Variants in ZC3H13 observed in about 807,000 individuals in gnomAD.
ZC3H13 encodes the protein zinc finger CCCH domain-containing protein 13.
A neutral mutation model predicts 204.1 loss-of-function variants in ZC3H13; 64 were observed. The observed-to-expected ratio is 0.31, with a 90% confidence interval of 0.26 to 0.39. The LOEUF is 0.39. ZC3H13 is among the 10% of genes least tolerant of loss of function. The probability of loss-of-function intolerance (pLI) is 1.00; values close to 1 mark genes in which losing one functional copy is unlikely to be tolerated. For missense variants in ZC3H13, 1,833 were observed against 2,082.7 expected (o/e 0.88, Z 2.33); for synonymous variants, 667 against 693.7 (o/e 0.96, Z 0.60).
chr13:45,980,140 G>T, intron 10 of ZC3H13, 136 bp from the exon 11 acceptor site: 1 of 760,994 alleles, frequency 1.3e-6, no homozygotes, highest in Non-Finnish European at 1.9e-6. Flanking sequence ...CTCCTGAAAA[G>T]AGTATCAAGC....
At chr13:45,989,226 C>A (rs566243303) in intron 8 of ZC3H13, 129 bp from the exon 9 acceptor site, 229 of 971,680 alleles carry the variant, frequency 2.4e-4, no homozygotes, top group Non-Finnish European at 2.8e-4. Flanking sequence ...TTTTAATTCA[C>A]AATGCTGTAA....
chr13:46,043,732 T>A (rs755462361), intron 3 of ZC3H13, among the ~76,000 whole-genome samples: 2 of 151,962 alleles, frequency 1.3e-5, no homozygotes, highest in Non-Finnish European at 2.9e-5. Context: ...AGCAAAATTA[T>A]AATAAATATT....
At chr13:45,962,116 G>T in intron 17 of ZC3H13, 1 of 944,600 alleles carries the variant, frequency 1.1e-6, no homozygotes, top group Non-Finnish European at 1.3e-6. Flanking sequence ...AACCTACTAT[G>T]TATGTCAGGC....
At chr13:45,988,012 A>G (rs2039673302) in intron 9 of ZC3H13, among the ~76,000 whole-genome samples, 1 of 152,120 alleles carries the variant, frequency 6.6e-6, no homozygotes, top group African/African-American at 2.4e-5. Flanking sequence ...CTTTATTATG[A>G]CCTAGAAATT....
At chr13:45,985,886 TAAAG>T (rs1258819400) in intron 9 of ZC3H13, 125 bp from the exon 10 acceptor site, 1 of 849,386 alleles carries the variant, frequency 1.2e-6, no homozygotes, top group East Asian at 2.7e-5. Context: ...TTGCAAAAAA[TAAAG>T]AAGCTAAAAT....
chr13:46,037,613 A>C (rs1012495299), intron 4 of ZC3H13, among the ~76,000 whole-genome samples: 1 of 152,218 alleles, frequency 6.6e-6, no homozygotes, highest in Non-Finnish European at 1.5e-5. Context: ...GATTAAATGC[A>C]ACTATTTCCT....
At chr13:46,007,499 C>T (rs775501807) in intron 7 of ZC3H13, among the ~76,000 whole-genome samples, 3 of 152,148 alleles carry the variant, frequency 2.0e-5, no homozygotes, top group Non-Finnish European at 4.4e-5. Context: ...TTTGACTTTA[C>T]GTGAGAAATA....
chr13:46,047,330 T>G (rs997426261), intron 1 of ZC3H13, among the ~76,000 whole-genome samples: 1 of 152,182 alleles, frequency 6.6e-6, no homozygotes, highest in African/African-American at 2.4e-5. Flanking sequence ...AATTAATTTT[T>G]AGTGATTTTA....
Position 45,975,635 on chromosome 13 carries a change from C to T in ZC3H13, c.2116G>A (p.Glu706Lys). The part of the protein sequence containing the change: ...ERDREREKER[E>K]LERERARERE... ...TCCCTAGCACGCTCTCTTTCTAGTT[C>T]TCTCTCTTTTTCTCTTTCCCGATCC... The change falls in exon 12 of 19, where the codon GAA becomes AAA. Residue 706 changes from glutamate to lysine, a missense_variant. Physicochemically the swap from Glu to Lys is moderately conservative, Grantham distance 56. Transcript: ENST00000679008. 1 of 1,586,238 alleles carries T rather than the reference C, an allele frequency of 6.3e-7. No individual in the cohort carries two copies. Among genetic ancestry groups the T allele is most frequent in the Non-Finnish European group, 8.6e-7 (1 of 1,165,630 alleles).
chr13:46,045,656 G>T, intron 1 of ZC3H13, 140 bp from the exon 2 acceptor site: 1 of 640,602 alleles, frequency 1.6e-6, no homozygotes, highest in Non-Finnish European at 2.8e-6. Context: ...AAAAAAAAAA[G>T]CATAGGAGAG....
chr13:46,050,601 A>G (rs2044335913), intron 1 of ZC3H13, among the ~76,000 whole-genome samples: 1 of 152,212 alleles, frequency 6.6e-6, no homozygotes, highest in African/African-American at 2.4e-5. Flanking sequence ...CTTCACATTT[A>G]TACTTCATAT....
chr13:45,984,752 G>A (rs1254094865), intron 10 of ZC3H13, among the ~76,000 whole-genome samples: 1 of 152,140 alleles, frequency 6.6e-6, no homozygotes, highest in African/African-American at 2.4e-5. Flanking sequence ...TGATAATTAA[G>A]TCTCAGCAGT....
chr13:45,976,372 A>C, intron 11 of ZC3H13: 1 of 493,388 alleles, frequency 2.0e-6, no homozygotes, highest in Non-Finnish European at 2.6e-6. Flanking sequence ...AGTAGAACAA[A>C]ACATATGTCA....
At chr13:46,039,804 C>G (rs2043451262) in intron 4 of ZC3H13, among the ~76,000 whole-genome samples, 1 of 152,164 alleles carries the variant, frequency 6.6e-6, no homozygotes, top group Admixed American at 6.5e-5. Flanking sequence ...AACGGGAACA[C>G]TGTATACAAT....
intron 8 of ZC3H13, among the ~76,000 whole-genome samples, chr13:46,000,915 G>C (rs1032721115): frequency 1.3e-5 from 2 of 152,088 alleles, no homozygotes; most frequent in African/African-American, 4.8e-5. Context: ...CAATATTGTT[G>C]TGTCTCAAGG....
At chr13:45,998,104 C>A (rs367955975) in intron 8 of ZC3H13, among the ~76,000 whole-genome samples, 2 of 152,106 alleles carry the variant, frequency 1.3e-5, no homozygotes, top group African/African-American at 4.8e-5. Flanking sequence ...TTTTAAAGGG[C>A]AATTTTTTCC....
rs1179653916 is a variant in ZC3H13 at position 45,964,023 on chromosome 13, A to G, written c.4494T>C (p.Asp1498=). Residue 1498 remains aspartate (D), a synonymous_variant, in exon 17 of 19, where the codon GAT becomes GAC. Transcript: ENST00000679008. ...TTGGCATAAGACCAGACCAATCCACATCTATCACATCTAAGGGATCTGTAA... is the reference window on the plus strand; with the variant it reads ...TTGGCATAAGACCAGACCAATCCACGTCTATCACATCTAAGGGATCTGTAA... ...EKMPDPLDVI[D]VDWSGLMPKH... is the part of the protein sequence containing the mutation. 6.8e-6 allele frequency: 11 copies of G among 1,613,646 alleles called. No homozygotes were observed. The highest frequency in any genetic ancestry group is 9.3e-6 in the Non-Finnish European group (11 of 1,179,928).
At chr13:46,016,344 G>A (rs1401571142) in intron 5 of ZC3H13, among the ~76,000 whole-genome samples, 1 of 152,130 alleles carries the variant, frequency 6.6e-6, no homozygotes, top group Non-Finnish European at 1.5e-5. Flanking sequence ...TTCATCAACA[G>A]TAGACTAAAT....
intron 5 of ZC3H13, 32 bp from the exon 6 acceptor site, chr13:46,011,586 CTAGCAT>C (rs1401999542): frequency 8.0e-6 from 12 of 1,508,390 alleles, no homozygotes; most frequent in Non-Finnish European, 1.1e-5. Flanking sequence ...CTGTTAGAAA[CTAGCAT>C]AATTATCTAT....
Sources: gnomAD v4.1 joint callset for allele counts (sites outside exome capture counted in the v4.1 genomes callset) on GRCh38, gnomAD v4.1.1 for gene constraint, MANE v1.5 for transcripts, NCBI Gene and HGNC (gene_info 2026-07-23, HGNC 2026-07-21) for gene names.